DTNA: variants seen among roughly 807,000 people sequenced by gnomAD.
DTNA encodes the protein dystrobrevin alpha, also known as dystrophin-related protein 3.
Under a neutral mutation model 100.7 loss-of-function variants are expected in DTNA, and 43 were observed. The observed-to-expected ratio is 0.43, with a 90% CI of 0.33 to 0.55. DTNA has a LOEUF of 0.55. Among genes scored for constraint, DTNA ranks in the 20% least tolerant of loss-of-function variants. The pLI is 0.04. For missense variants in DTNA, 798 were observed against 953.9 expected (o/e 0.84, Z 2.15); for synonymous variants, 349 against 347.9 (o/e 1.00, Z -0.04).
intron 1 of DTNA, among the ~76,000 whole-genome samples, chr18:34,545,383 A>T (rs1214342672): frequency 1.3e-5 from 2 of 152,250 alleles, no homozygotes; most frequent in Non-Finnish European, 2.9e-5. Flanking sequence ...TCCTACTAGG[A>T]TATGTACTCC....
At chr18:34,687,394 A>G (rs1002122806) in intron 1 of DTNA, among the ~76,000 whole-genome samples, 3 of 151,998 alleles carry the variant, frequency 2.0e-5, no homozygotes, top group Non-Finnish European at 4.4e-5. Flanking sequence ...TAATTTTGTT[A>G]TTTACCCAGT....
intron 1 of DTNA, among the ~76,000 whole-genome samples, chr18:34,631,360 GTTAT>G (rs1404441047): frequency 6.6e-6 from 1 of 152,134 alleles, no homozygotes; most frequent in Non-Finnish European, 1.5e-5. Context: ...AGGATTAACA[GTTAT>G]TTTTATTATT....
chr18:34,620,573 A>ACAGGAAGCTTAGTGGCTT (rs1318720347), intron 1 of DTNA, among the ~76,000 whole-genome samples: 2 of 152,196 alleles, frequency 1.3e-5, no homozygotes, highest in Non-Finnish European at 2.9e-5. Flanking sequence ...TGCAGGCTAT[A>ACAGGAAGCTTAGTGGCTT]CAGGAAGCTT....
At chr18:34,865,743 C>G (rs2096693445) in intron 17 of DTNA, among the ~76,000 whole-genome samples, 1 of 152,268 alleles carries the variant, frequency 6.6e-6, no homozygotes, top group South Asian at 2.1e-4. Context: ...AAAACTGCCC[C>G]CTATGTTTCT....
intron 1 of DTNA, among the ~76,000 whole-genome samples, chr18:34,569,813 T>C (rs2146391170): frequency 6.6e-6 from 1 of 152,112 alleles, no homozygotes; most frequent in Middle Eastern, 3.4e-3. Context: ...TGAGGCCCAC[T>C]CACATTATGG....
chr18:34,659,159 G>A (rs1432686210), intron 1 of DTNA, among the ~76,000 whole-genome samples: 1 of 151,966 alleles, frequency 6.6e-6, no homozygotes, highest in Non-Finnish European at 1.5e-5. Context: ...CTTTAAAATA[G>A]TACTATCCAA....
At chr18:34,754,856 T>C (rs1048504317) in intron 1 of DTNA, among the ~76,000 whole-genome samples, 2 of 152,090 alleles carry the variant, frequency 1.3e-5, no homozygotes, top group East Asian at 1.9e-4. Flanking sequence ...CAGGCAGTTG[T>C]AGAAAGTTGG....
At chr18:34,652,981 A>G (rs2073821981) in intron 1 of DTNA, among the ~76,000 whole-genome samples, 1 of 152,156 alleles carries the variant, frequency 6.6e-6, no homozygotes, top group African/African-American at 2.4e-5. Flanking sequence ...AATGATCCAC[A>G]TTGCCAGAAC....
At chr18:34,809,675 A>G (rs1171206733) in intron 5 of DTNA, among the ~76,000 whole-genome samples, 1 of 152,170 alleles carries the variant, frequency 6.6e-6, no homozygotes, top group Non-Finnish European at 1.5e-5. Context: ...AGAGATATTT[A>G]GCTCGTTCCA....
intron 9 of DTNA, among the ~76,000 whole-genome samples, chr18:34,826,566 T>G (rs1300263619): frequency 6.6e-6 from 1 of 152,212 alleles, no homozygotes; most frequent in Non-Finnish European, 1.5e-5. Flanking sequence ...AATTTGGATC[T>G]TAATTATGCC....
chr18:34,549,382 G>T (rs1438885339), intron 1 of DTNA, among the ~76,000 whole-genome samples: 1 of 152,036 alleles, frequency 6.6e-6, no homozygotes, highest in Non-Finnish European at 1.5e-5. Flanking sequence ...AAAATATCAA[G>T]TGATTAAAAA....
chr18:34,764,563 C>T (rs890729283), intron 2 of DTNA, among the ~76,000 whole-genome samples: 6 of 152,162 alleles, frequency 3.9e-5, no homozygotes, highest in African/African-American at 9.7e-5. Flanking sequence ...TTAAGAGTGA[C>T]CGTTTAATGA....
intron 1 of DTNA, among the ~76,000 whole-genome samples, chr18:34,649,139 A>G (rs1336251694): frequency 6.6e-6 from 1 of 152,160 alleles, no homozygotes; most frequent in Non-Finnish European, 1.5e-5. Flanking sequence ...TTTGCATTCC[A>G]TTCTGCTCTC....
chr18:34,603,015 C>A (rs965351014), intron 1 of DTNA, among the ~76,000 whole-genome samples: 2 of 149,922 alleles, frequency 1.3e-5, no homozygotes, highest in Non-Finnish European at 3.0e-5. Flanking sequence ...AAAAAAAATA[C>A]AAAATAAAAA....
intron 20 of DTNA, among the ~76,000 whole-genome samples, 164 bp downstream of exon 20, chr18:34,879,883 G>A (rs2096855267): frequency 6.6e-6 from 1 of 152,036 alleles, no homozygotes; most frequent in Non-Finnish European, 1.5e-5. Flanking sequence ...TTTAAATTCG[G>A]CATTGTAATA....
intron 17 of DTNA, chr18:34,866,923 C>G (rs537976256): frequency 8.8e-7 from 1 of 1,140,586 alleles, no homozygotes; most frequent in East Asian, 4.3e-5. Context: ...ATAGCCTAAA[C>G]TGGAGCTGTC....
chr18:34,726,518 A>G (rs987416313), intron 1 of DTNA, among the ~76,000 whole-genome samples: 1 of 152,222 alleles, frequency 6.6e-6, no homozygotes, highest in Non-Finnish European at 1.5e-5. Flanking sequence ...CATTGAGTAA[A>G]CATTCCAAAA....
intron 17 of DTNA, chr18:34,867,613 C>T: frequency 2.0e-6 from 2 of 1,007,956 alleles, no homozygotes; most frequent in Non-Finnish European, 2.4e-6. Context: ...TATAACCTCC[C>T]TCCTCCTAGC....
chr18:34,817,869 T>A (rs1207082709), intron 7 of DTNA: 12 of 1,104,360 alleles, frequency 1.1e-5, no homozygotes, highest in Non-Finnish European at 1.4e-5. Flanking sequence ...TTTGGCTAAT[T>A]TAAATTCTTG....
Sources: allele counts gnomAD v4.1 joint callset (sites outside exome capture counted in the v4.1 genomes callset), GRCh38; gene constraint gnomAD v4.1.1; transcripts MANE v1.5; gene names NCBI Gene and HGNC (gene_info 2026-07-23, HGNC 2026-07-21).